The following PRKG1 variants were observed in gnomAD, a reference collection of about 807,000 sequenced individuals.
The protein encoded by PRKG1 is protein kinase cGMP-dependent 1.
PRKG1 carries 35 observed loss-of-function variants against 88.1 expected under a neutral mutation model. The ratio of observed to expected loss-of-function variants is 0.40; its 90% CI spans 0.30 to 0.53. The LOEUF is 0.53. Ranked by LOEUF, PRKG1 falls within the 20% of genes least tolerant of loss-of-function variation. The pLI is 0.59. For synonymous variants in PRKG1, 303 were observed against 292.5 expected, an observed-to-expected ratio of 1.04 and a Z score of -0.37; for missense variants, 540 against 839.8, an observed-to-expected ratio of 0.64 and a Z score of 4.41.
At chr10:52,128,376 A>G (rs1166566941) in intron 7 of PRKG1, 42 of 985,284 alleles carry the variant, frequency 4.3e-5, no homozygotes, top group Non-Finnish European at 4.9e-5. Context: ...TGAGGTATCA[A>G]TGAACGCTAG....
At chr10:51,549,569 A>G (rs943445325) in intron 3 of PRKG1, among the ~76,000 whole-genome samples, 1 of 152,168 alleles carries the variant, frequency 6.6e-6, no homozygotes. Context: ...ATGGTAGATT[A>G]CAATGTCCTT....
chr10:51,961,986 A>C (rs901855567), intron 5 of PRKG1, among the ~76,000 whole-genome samples: 5 of 152,228 alleles, frequency 3.3e-5, no homozygotes, highest in Non-Finnish European at 7.3e-5. Flanking sequence ...ATCGGACATC[A>C]TGCCCTTTTA....
intron 2 of PRKG1, among the ~76,000 whole-genome samples, chr10:51,343,868 TA>T (rs1266247220): frequency 6.6e-6 from 1 of 152,172 alleles, no homozygotes; most frequent in Non-Finnish European, 1.5e-5. Flanking sequence ...CATATGTAGC[TA>T]AAAGCTCTTT....
chr10:51,246,439 G>A (rs1839292554), intron 2 of PRKG1, among the ~76,000 whole-genome samples: 1 of 151,832 alleles, frequency 6.6e-6, no homozygotes, highest in African/African-American at 2.4e-5. Flanking sequence ...AGTTTTATTG[G>A]AACACAGGCC....
rs1349269353 is a variant in PRKG1 at position 51,690,922 on chromosome 10, G to T, written c.593-113663G>T. The stretch of plus-strand genomic sequence containing the variant: ...CAGCCTGGCGACAGAGTGAGACTCT[G>T]TCTCAAAAAAAAAAAAAAAAAAAAA... On this transcript the variant is annotated intron_variant, in intron 3 of 17. Transcript: ENST00000373980. Among the ~76,000 whole-genome samples, 7 of 85,880 alleles carry T rather than the reference G, an allele frequency of 8.2e-5. No homozygotes were observed. The Admixed American group carries it at 9.5e-4, about 12-fold the overall frequency. The allele number at this position is 85,880 out of a possible 152,430, so 56.3% of individuals were successfully genotyped here.
intron 10 of PRKG1, among the ~76,000 whole-genome samples, chr10:52,260,349 A>G (rs1249240603): frequency 6.6e-6 from 1 of 152,110 alleles, no homozygotes; most frequent in African/African-American, 2.4e-5. Context: ...AAAAATTATA[A>G]AGTCATTCAT....
chr10:51,344,063 A>G (rs900829214), intron 2 of PRKG1, among the ~76,000 whole-genome samples: 4 of 152,234 alleles, frequency 2.6e-5, no homozygotes, highest in African/African-American at 9.6e-5. Context: ...ATTGCTATAA[A>G]GAAATACCTG....
chr10:51,654,238 T>G (rs550250853), intron 3 of PRKG1, among the ~76,000 whole-genome samples: 2 of 152,326 alleles, frequency 1.3e-5, no homozygotes, highest in Non-Finnish European at 2.9e-5. Context: ...TTCATTCTTC[T>G]GCTTCTGGAT....
chr10:51,306,594 T>G (rs1003258023), intron 2 of PRKG1: 1 of 152,164 alleles, frequency 6.6e-6, no homozygotes, highest in African/African-American at 2.4e-5. Context: ...GTCTGGATGT[T>G]TTCAATGTCT....
At chr10:52,032,052 G>A (rs1280549473) in intron 5 of PRKG1, among the ~76,000 whole-genome samples, 1 of 152,156 alleles carries the variant, frequency 6.6e-6, no homozygotes, top group Non-Finnish European at 1.5e-5. Flanking sequence ...TTATGCCATG[G>A]AGAATGTTGA....
intron 4 of PRKG1, among the ~76,000 whole-genome samples, chr10:51,873,502 A>G (rs1414670545): frequency 2.7e-5 from 4 of 150,580 alleles, no homozygotes; most frequent in Non-Finnish European, 5.9e-5. Context: ...AGCTTGAATA[A>G]TTTCTAAATT....
chr10:51,855,811 A>G (rs1840666230), intron 4 of PRKG1, among the ~76,000 whole-genome samples: 1 of 152,218 alleles, frequency 6.6e-6, no homozygotes, highest in African/African-American at 2.4e-5. Flanking sequence ...TTGGAAACAA[A>G]ACAAAACAGA....
chr10:52,259,946 A>G (rs1252880426), intron 10 of PRKG1, among the ~76,000 whole-genome samples: 2 of 152,106 alleles, frequency 1.3e-5, no homozygotes, highest in African/African-American at 4.8e-5. Flanking sequence ...TGTGAAATAC[A>G]AGAATCGTAT....
intron 1 of PRKG1, among the ~76,000 whole-genome samples, chr10:51,102,820 T>C (rs1408977681): frequency 6.6e-6 from 1 of 151,984 alleles, no homozygotes; most frequent in East Asian, 1.9e-4. Context: ...AAGCAAATAA[T>C]GTAAAAGAGA....
chr10:52,036,801 G>T (rs1484831793), intron 5 of PRKG1, among the ~76,000 whole-genome samples: 1 of 152,104 alleles, frequency 6.6e-6, no homozygotes. Context: ...TATTGTCTAA[G>T]TTGGCACCAG....
intron 3 of PRKG1, among the ~76,000 whole-genome samples, chr10:51,679,768 A>T: frequency 7.4e-6 from 1 of 135,584 alleles, no homozygotes; most frequent in South Asian, 2.4e-4. Flanking sequence ...ACATGTGCAC[A>T]TTGTGCAGGT....
At chr10:51,995,702 C>G (rs1162155158) in intron 5 of PRKG1, among the ~76,000 whole-genome samples, 1 of 152,182 alleles carries the variant, frequency 6.6e-6, no homozygotes, top group Admixed American at 6.5e-5. Context: ...ATAGCATACT[C>G]TACCAGTAAA....
intron 3 of PRKG1, among the ~76,000 whole-genome samples, chr10:51,775,158 G>T (rs1285180098): frequency 6.6e-6 from 1 of 152,056 alleles, no homozygotes; most frequent in Non-Finnish European, 1.5e-5. Context: ...ACTTGCAGGG[G>T]AGGTTATTAA....
chr10:51,779,590 A>G (rs1415527294), intron 3 of PRKG1, among the ~76,000 whole-genome samples: 2 of 152,252 alleles, frequency 1.3e-5, no homozygotes, highest in African/African-American at 4.8e-5. Flanking sequence ...ACACCACACA[A>G]CCTACTGAGT....
Sources: gnomAD v4.1 joint callset for allele counts (sites outside exome capture counted in the v4.1 genomes callset) on GRCh38, gnomAD v4.1.1 for gene constraint, MANE v1.5 for transcripts, NCBI Gene and HGNC (gene_info 2026-07-23, HGNC 2026-07-21) for gene names.